The following LRRTM4 variants were observed in gnomAD, a reference collection of about 807,000 sequenced individuals.
The protein encoded by LRRTM4 is leucine-rich repeat transmembrane neuronal protein 4.
A neutral mutation model predicts 47.6 loss-of-function variants in LRRTM4; 25 were observed. That is an observed-to-expected ratio of 0.53 (90% CI 0.38 to 0.73). LRRTM4 has a LOEUF of 0.73. Among genes scored for constraint, LRRTM4 ranks in the 30% least tolerant of loss-of-function variants. The probability of loss-of-function intolerance (pLI) is 0.00; values close to 1 mark genes in which losing one functional copy is unlikely to be tolerated. For synonymous variants in LRRTM4, 311 were observed against 269.5 expected (o/e 1.15, Z -1.51); for missense variants, 638 against 713.4 (o/e 0.89, Z 1.20).
At chr2:76,867,114 G>A (rs988386856) in intron 3 of LRRTM4, among the ~76,000 whole-genome samples, 2 of 152,120 alleles carry the variant, frequency 1.3e-5, no homozygotes, top group African/African-American at 4.8e-5. Context: ...AATACCTAAT[G>A]CATGTGGGGG....
At chr2:77,435,989 A>G (rs563935421) in intron 3 of LRRTM4, among the ~76,000 whole-genome samples, 1 of 152,254 alleles carries the variant, frequency 6.6e-6, no homozygotes, top group South Asian at 2.1e-4. Flanking sequence ...TTCAGTTTTA[A>G]TTCATTTATA....
chr2:77,225,928 TTAAG>T (rs1459502326), intron 3 of LRRTM4, among the ~76,000 whole-genome samples: 1 of 151,990 alleles, frequency 6.6e-6, no homozygotes, highest in Non-Finnish European at 1.5e-5. Flanking sequence ...AAATAAATAG[TTAAG>T]TAGCTATTAT....
intron 3 of LRRTM4, among the ~76,000 whole-genome samples, chr2:77,375,985 T>C (rs1248267666): frequency 6.6e-6 from 1 of 151,828 alleles, no homozygotes; most frequent in Non-Finnish European, 1.5e-5. Flanking sequence ...AAATCGTTCA[T>C]ACAAATAGAA....
chr2:76,816,937 G>T (rs1187261938), intron 3 of LRRTM4, among the ~76,000 whole-genome samples: 1 of 148,040 alleles, frequency 6.8e-6, no homozygotes, highest in Non-Finnish European at 1.5e-5. Flanking sequence ...TGCGGGAAGT[G>T]TACATGCAGA....
At chr2:76,877,103 C>A (rs978148686) in intron 3 of LRRTM4, among the ~76,000 whole-genome samples, 1 of 152,016 alleles carries the variant, frequency 6.6e-6, no homozygotes, top group Non-Finnish European at 1.5e-5. Context: ...AATGCTAGCT[C>A]TTAAAACTTT....
chr2:77,248,346 C>T (rs1232657987), intron 3 of LRRTM4, among the ~76,000 whole-genome samples: 1 of 151,640 alleles, frequency 6.6e-6, no homozygotes, highest in Non-Finnish European at 1.5e-5. Context: ...TCTAACAAAG[C>T]ATGTACAAGA....
intron 3 of LRRTM4, among the ~76,000 whole-genome samples, chr2:76,773,969 A>C (rs1673835755): frequency 6.6e-6 from 1 of 152,068 alleles, no homozygotes. Flanking sequence ...CTGTTTGAGA[A>C]AAAAATATAT....
At chr2:77,500,776 AAG>A (rs1431054351) in intron 3 of LRRTM4, among the ~76,000 whole-genome samples, 1 of 151,562 alleles carries the variant, frequency 6.6e-6, no homozygotes, top group African/African-American at 2.4e-5. Flanking sequence ...AATAATTCTA[AAG>A]TTCATCTCAA....
chr2:77,009,505 A>G (rs1180832693), intron 3 of LRRTM4: 1 of 152,130 alleles, frequency 6.6e-6, no homozygotes, highest in African/African-American at 2.4e-5. Flanking sequence ...GGACACATTA[A>G]ATATTAGTAA....
intron 3 of LRRTM4, chr2:77,009,001 T>C (rs1314292808): frequency 6.6e-6 from 1 of 151,544 alleles, no homozygotes; most frequent in Admixed American, 6.6e-5. Flanking sequence ...GACTGACATC[T>C]TCTTGTCTCT....
intron 3 of LRRTM4, among the ~76,000 whole-genome samples, chr2:77,067,475 C>T (rs1679993781): frequency 1.3e-5 from 2 of 151,608 alleles, no homozygotes; most frequent in African/African-American, 4.9e-5. Context: ...GGGTGGGGGG[C>T]TGGGTATGAG....
At chr2:77,147,519 A>G (rs1442708970) in intron 3 of LRRTM4, among the ~76,000 whole-genome samples, 1 of 152,020 alleles carries the variant, frequency 6.6e-6, no homozygotes, top group Non-Finnish European at 1.5e-5. Flanking sequence ...TTACCAAGAC[A>G]CCCTTAACTT....
chr2:76,894,999 T>C (rs1337812642), intron 3 of LRRTM4, among the ~76,000 whole-genome samples: 1 of 151,800 alleles, frequency 6.6e-6, no homozygotes, highest in Non-Finnish European at 1.5e-5. Flanking sequence ...AAAATTTATT[T>C]ACTAAATATT....
chr2:77,495,148 C>A (rs147756536), intron 3 of LRRTM4, among the ~76,000 whole-genome samples: 11 of 152,046 alleles, frequency 7.2e-5, no homozygotes, highest in African/African-American at 2.7e-4. Context: ...GCTTTTATGT[C>A]CCTTGGTTAC....
At chr2:76,891,645 G>C (rs574509255) in intron 3 of LRRTM4, among the ~76,000 whole-genome samples, 1 of 151,498 alleles carries the variant, frequency 6.6e-6, no homozygotes, top group African/African-American at 2.4e-5. Context: ...TTACCTAAAA[G>C]GTATTAGACG....
rs1676257140 is a variant in LRRTM4, at chr2:76,972,535, A to C, written c.1552-223619T>G. On this transcript the variant is annotated intron_variant, in intron 3 of 3. Coordinates refer to ENST00000409884, the MANE Select transcript of LRRTM4 (RefSeq NM_001134745.3). ...TGAGTTCAAGCGATTCTTCTGCCTA[A>C]GCCTCCTGAGTAGCTGGGACTACAG... is the stretch of plus-strand genomic sequence containing the variant. Among the ~76,000 whole-genome samples the C allele has an allele frequency of 2.0e-5, 3 of 150,010 alleles. No homozygotes were observed. In the South Asian group the frequency reaches 6.3e-4, roughly 31 times the overall value.
chr2:76,811,341 T>A (rs1178049439), intron 3 of LRRTM4, among the ~76,000 whole-genome samples: 1 of 152,184 alleles, frequency 6.6e-6, no homozygotes, highest in East Asian at 1.9e-4. Context: ...ATGTAGTTGC[T>A]ACAAAGCAGC....
At chr2:77,316,835 T>C (rs1677633402) in intron 3 of LRRTM4, among the ~76,000 whole-genome samples, 1 of 152,246 alleles carries the variant, frequency 6.6e-6, no homozygotes, top group Non-Finnish European at 1.5e-5. Context: ...CGTGAGCCAC[T>C]GCACCTTACC....
At chr2:77,213,415 T>C (rs956334740) in intron 3 of LRRTM4, among the ~76,000 whole-genome samples, 2 of 152,130 alleles carry the variant, frequency 1.3e-5, no homozygotes, top group African/African-American at 4.8e-5. Flanking sequence ...CCTCATCTTA[T>C]AAAATGGGCA....
Sources: allele counts gnomAD v4.1 joint callset (sites outside exome capture counted in the v4.1 genomes callset), GRCh38; gene constraint gnomAD v4.1.1; transcripts MANE v1.5; gene names NCBI Gene and HGNC (gene_info 2026-07-23, HGNC 2026-07-21).